The following PSMD5 variants were observed in gnomAD, a reference collection of about 807,000 sequenced individuals.
PSMD5 encodes the protein proteasome 26S subunit, non-ATPase 5, also known as 26S proteasome non-ATPase regulatory subunit 5.
PSMD5 carries 40 observed loss-of-function variants against 52.1 expected under a neutral mutation model. The ratio of observed to expected loss-of-function variants is 0.77; its 90% CI spans 0.60 to 1.00. PSMD5 has a LOEUF of 1.00. Ranked by LOEUF, PSMD5 falls within the 50% of genes least tolerant of loss-of-function variation. The pLI, the probability that PSMD5 is intolerant of heterozygous loss-of-function variation, is 0.00. For synonymous variants in PSMD5, 211 were observed against 226.6 expected (o/e 0.93, Z 0.62); for missense variants, 575 against 605.2 (o/e 0.95, Z 0.52).
At chr9:120,824,426 A>G (rs1307854398) in intron 7 of PSMD5, 68 bp downstream of exon 7, 1 of 1,506,518 alleles carries the variant, frequency 6.6e-7, no homozygotes, top group Admixed American at 1.7e-5. Context: ...CCCACCAGCA[A>G]ATGAACTTAC....
intron 7 of PSMD5, among the ~76,000 whole-genome samples, chr9:120,822,882 G>A (rs1022639951): frequency 5.9e-5 from 9 of 151,916 alleles, no homozygotes; most frequent in Non-Finnish European, 7.4e-5. Flanking sequence ...AGGCTGCAGT[G>A]CAACTGAGTG....
chr9:120,823,510 C>CTTTTTTTT (rs1263218977), intron 7 of PSMD5, among the ~76,000 whole-genome samples: 13 of 108,664 alleles, frequency 1.2e-4, no homozygotes, highest in African/African-American at 3.9e-4. Context: ...TACCTGGCCT[C>CTTTTTTTT]TTTTTTTTTT....
rs773945507 is a variant in PSMD5, at chr9:120,821,366, G to C, written c.1105C>G (p.Leu369Val). 1.3e-6 allele frequency: 2 copies of C among 1,588,522 alleles called. No homozygotes were observed. Among genetic ancestry groups the C allele is most frequent in the Non-Finnish European group, 1.7e-6 (2 of 1,160,640 alleles). Residue 369 changes from leucine to valine, a missense_variant, in exon 8 of 10, where the codon CTG becomes GTG. Leu to Val is a conservative substitution (Grantham distance 32). Coordinates refer to ENST00000210313, the MANE Select transcript of PSMD5 (RefSeq NM_005047.4). ...IRCLDAISSL[L>V]YLPPEQQTDD... ...CCCTACCTACTTACTGGTAAGTACA[G>C]AAGAGATGAAATTGCATCCAAACAT...
chr9:120,837,934 G>A (rs1442591610), intron 1 of PSMD5, among the ~76,000 whole-genome samples: 1 of 152,194 alleles, frequency 6.6e-6, no homozygotes, highest in Non-Finnish European at 1.5e-5. Flanking sequence ...CAATAAAAAG[G>A]AATGAACTAT....
At position 120,825,542 on chromosome 9, in the gene PSMD5, C is replaced by T. The variant is rs141841469; in HGVS notation, c.815-857G>A. On this transcript the variant is annotated intron_variant, in intron 6 of 9. Coordinates refer to ENST00000210313, the MANE Select transcript of PSMD5 (RefSeq NM_005047.4). ...GAACATTTTAATAATATTAATCCTTCCAATCCATGAACATAGGATACCTTT... is the reference window on the plus strand; with the variant it reads ...GAACATTTTAATAATATTAATCCTTTCAATCCATGAACATAGGATACCTTT... 8.3e-3 allele frequency among the ~76,000 whole-genome samples: 1,269 copies of T among 152,260 alleles called. 15 individuals carry two copies. Among genetic ancestry groups the T allele is most frequent in the African/African-American group, 0.028 (1,171 of 41,552 alleles).
intron 6 of PSMD5, chr9:120,825,025 A>C (rs1336389908): frequency 5.8e-6 from 1 of 172,404 alleles, no homozygotes; most frequent in South Asian, 1.8e-4. Flanking sequence ...GTTCATTAAT[A>C]AAATAAGCTA....
At chr9:120,829,862 C>T (rs1218968512) in intron 4 of PSMD5, among the ~76,000 whole-genome samples, 1 of 152,186 alleles carries the variant, frequency 6.6e-6, no homozygotes, top group East Asian at 1.9e-4. Flanking sequence ...TTCACTCACT[C>T]ATTCAGCAAG....
Position 120,818,070 on chromosome 9 carries a change from C to T in PSMD5, c.1351G>A (p.Ala451Thr), listed in dbSNP as rs774505290. 8.1e-6 allele frequency: 13 copies of T among 1,614,056 alleles called. No individual in the cohort carries two copies. The Admixed American group carries it at 1.8e-4, about 23-fold the overall frequency. Reference protein sequence around the residue: ...VVDRSVEHDKASKDAKYELVK... With the variant: ...VVDRSVEHDKTSKDAKYELVK... ...AGTTCATATTTGGCATCCTTTGAAG[C>T]TTTGTCATGCTCCACAGACCGGTCC... is the stretch of plus-strand genomic sequence containing the variant. Residue 451 changes from alanine to threonine, a missense_variant, in exon 10 of 10, where the codon GCT becomes ACT. Ala to Thr is a moderately conservative substitution (Grantham distance 58, BLOSUM62 0). Coordinates refer to ENST00000210313, the MANE Select transcript of PSMD5 (RefSeq NM_005047.4).
At position 120,829,187 on chromosome 9, in the gene PSMD5, CG is replaced by C; in HGVS notation, c.582del (p.Val195CysfsTer6). On this transcript the variant is annotated frameshift_variant, in exon 5 of 10. Coordinates refer to ENST00000210313, the MANE Select transcript of PSMD5 (RefSeq NM_005047.4). LOFTEE classifies it high-confidence loss of function. ...CAGTAGTTTAAAGATTCTGGTGACA[CG>C]GAAGAAATCTCTATAATTAGCTGAA... ...RVYELIIEIS[S>X]VSPESLNYCT... The C allele has an allele frequency of 6.3e-7, 1 of 1,586,846 alleles. No individual in the cohort carries two copies. The highest frequency in any genetic ancestry group is 1.2e-5 in the South Asian group (1 of 85,988).
Position 120,832,393 on chromosome 9 carries a change from CT to C in PSMD5, c.319-449del, listed in dbSNP as rs35785525. The stretch of plus-strand genomic sequence containing the variant: ...TGATATCTTCCCCCTTTCCCCCAAC[CT>C]TTTTTTTTTTTTTTTTTTTTGAGAT... On this transcript the variant is annotated intron_variant, in intron 2 of 9. Transcript: ENST00000210313. 5.7e-3 allele frequency among the ~76,000 whole-genome samples: 726 copies of C among 126,890 alleles called. 2 individuals are homozygous for C. The highest frequency in any genetic ancestry group is 7.7e-3 in the African/African-American group (261 of 33,836). The allele number at this position is 126,890 out of a possible 152,430, so 83.2% of individuals were successfully genotyped here.
At chr9:120,827,045 A>G in intron 5 of PSMD5, 138 bp from the exon 6 acceptor site, 4 of 848,010 alleles carry the variant, frequency 4.7e-6, no homozygotes, top group Middle Eastern at 3.8e-4. Context: ...CTCTTTTCAC[A>G]TGAAGCCCTA....
chr9:120,837,638 T>C (rs1355706277), intron 1 of PSMD5, among the ~76,000 whole-genome samples: 2 of 152,236 alleles, frequency 1.3e-5, no homozygotes, highest in Non-Finnish European at 2.9e-5. Flanking sequence ...TCTACTCTCA[T>C]ACACTGCTGG....
At chr9:120,832,579 A>G (rs1312439708) in intron 2 of PSMD5, among the ~76,000 whole-genome samples, 3 of 152,102 alleles carry the variant, frequency 2.0e-5, no homozygotes, top group Non-Finnish European at 4.4e-5. Flanking sequence ...GTATTTGTGT[A>G]GAGACAGGGT....
chr9:120,826,686 T>A, intron 6 of PSMD5, 79 bp downstream of exon 6: 1 of 1,496,198 alleles, frequency 6.7e-7, no homozygotes, highest in Non-Finnish European at 9.1e-7. Context: ...GTCCACTCCC[T>A]ACCCCAACCC....
chr9:120,822,942 C>A (rs1384634683), intron 7 of PSMD5, among the ~76,000 whole-genome samples: 1 of 152,118 alleles, frequency 6.6e-6, no homozygotes, highest in Non-Finnish European at 1.5e-5. Context: ...GATTCTCCCA[C>A]CTCAGCCTCC....
rs1305541057 is a variant in PSMD5 at position 120,824,576 on chromosome 9, G to T, written c.924C>A (p.Asp308Glu). 1 of 1,614,160 alleles carries T rather than the reference G, an allele frequency of 6.2e-7. No individual in the cohort carries two copies. Among genetic ancestry groups the T allele is most frequent in the Non-Finnish European group, 8.5e-7 (1 of 1,180,026 alleles). Residue 308 changes from aspartate (D) to glutamate (E), a missense_variant, in exon 7 of 10, where the codon GAC becomes GAA. By Grantham distance (45) the Asp-to-Glu change is conservative. Transcript: ENST00000210313. ...CTACAGCTACACCAATCATAGTGGGGTCCTGACTTTCTATCATTTCAAAGA... is the reference window on the plus strand; with the variant it reads ...CTACAGCTACACCAATCATAGTGGGTTCCTGACTTTCTATCATTTCAAAGA... ...EKVFEMIESQ[D>E]PTMIGVAVDT...
intron 3 of PSMD5, 150 bp from the exon 4 acceptor site, chr9:120,831,609 G>C: frequency 8.9e-7 from 1 of 1,117,892 alleles, no homozygotes; most frequent in Non-Finnish European, 1.2e-6. Flanking sequence ...ATCCCCCATA[G>C]AATTATGATG....
intron 1 of PSMD5, among the ~76,000 whole-genome samples, chr9:120,833,992 T>C (rs2045180880): frequency 7.0e-6 from 1 of 142,910 alleles, no homozygotes; most frequent in South Asian, 2.3e-4. Flanking sequence ...TTTTTTTTTT[T>C]TTTTTGAGAC....
In PSMD5 at chr9:120,842,792, G is replaced by C. The variant is rs947257252; in HGVS notation, c.118C>G (p.Gln40Glu). The C allele has an allele frequency of 6.2e-7, 1 of 1,612,820 alleles. No homozygotes were observed. The highest frequency in any genetic ancestry group is 8.5e-7 in the Non-Finnish European group (1 of 1,179,962). The change falls in exon 1 of 10, where the codon CAA becomes GAA. Residue 40 changes from glutamine to glutamate, a missense_variant. By Grantham distance (29) the Gln-to-Glu change is conservative. Coordinates refer to ENST00000210313, the MANE Select transcript of PSMD5 (RefSeq NM_005047.4). Reference sequence around the variant, plus strand: ...GGGCCGAGGCGCAGCTCCGCCGCTTGCTGGCGAAGCTCGTTGAGCGGCACT... The same window carrying C: ...GGGCCGAGGCGCAGCTCCGCCGCTTCCTGGCGAAGCTCGTTGAGCGGCACT... ...QAVPLNELRQ[Q>E]AAELRLGPLF... is the part of the protein sequence containing the mutation.
Sources: gnomAD v4.1 joint callset for allele counts (sites outside exome capture counted in the v4.1 genomes callset) on GRCh38, gnomAD v4.1.1 for gene constraint, MANE v1.5 for transcripts, NCBI Gene and HGNC (gene_info 2026-07-23, HGNC 2026-07-21) for gene names.